The following CLDN10 variants were observed in gnomAD, a reference collection of about 807,000 sequenced individuals.
CLDN10 encodes the protein claudin-10.
Under a neutral mutation model 22.9 loss-of-function variants are expected in CLDN10, and 15 were observed. That is an observed-to-expected ratio of 0.65 (90% CI 0.44 to 1.01). The LOEUF is 1.01. Ranked by LOEUF, CLDN10 falls within the 50% of genes least tolerant of loss-of-function variation. CLDN10 has a pLI of 0.00. For missense variants in CLDN10, 247 were observed against 287.8 expected (o/e 0.86, Z 1.03); for synonymous variants, 114 against 111.4 (o/e 1.02, Z -0.15).
At chr13:95,559,317 G>T (rs1054307921) in intron 1 of CLDN10, among the ~76,000 whole-genome samples, 2 of 152,172 alleles carry the variant, frequency 1.3e-5, no homozygotes, top group African/African-American at 4.8e-5. Flanking sequence ...TACCCTGGCT[G>T]TGCAAATAAA....
chr13:95,551,713 C>T (rs1272176181), upstream of CLDN10, among the ~76,000 whole-genome samples: 1 of 152,152 alleles, frequency 6.6e-6, no homozygotes, highest in Non-Finnish European at 1.5e-5. Context: ...CTGCAAGAAC[C>T]TTTAAGTGGA....
intron 1 of CLDN10, among the ~76,000 whole-genome samples, chr13:95,483,767 A>T (rs562980146): frequency 2.5e-4 from 38 of 152,284 alleles, no homozygotes; most frequent in South Asian, 1.2e-3. Flanking sequence ...TCCACCATCC[A>T]TTGGTCACTC....
At chr13:95,498,505 C>T (rs772261616) in intron 1 of CLDN10, among the ~76,000 whole-genome samples, 15 of 152,162 alleles carry the variant, frequency 9.9e-5, no homozygotes, top group Non-Finnish European at 1.5e-4. Context: ...GGTAATCCTC[C>T]CACCTCAGCC....
chr13:95,479,237 T>C lies in CLDN10; in HGVS notation c.214+45190T>C, dbSNP rs565124966. Among the ~76,000 whole-genome samples the C allele has an allele frequency of 2.0e-5, 3 of 152,046 alleles. 1 individual carries two copies. The highest frequency in any genetic ancestry group is 7.2e-5 in the African/African-American group (3 of 41,456). ...GGTGGCGGGTGCCTGTAATCCCAAC[T>C]ACTTGGGAGGCTGAGGCAGGGAAAA... On this transcript the variant is annotated intron_variant, in intron 1 of 4. Transcript: ENST00000376873.
chr13:95,470,846 G>A (rs757947656), intron 1 of CLDN10, among the ~76,000 whole-genome samples: 4 of 152,156 alleles, frequency 2.6e-5, no homozygotes, highest in African/African-American at 4.8e-5. Context: ...AGAGAAGCAA[G>A]TGGACAATTT....
intron 3 of CLDN10, among the ~76,000 whole-genome samples, chr13:95,574,898 TC>T (rs1473240507): frequency 6.6e-6 from 1 of 152,230 alleles, no homozygotes; most frequent in Non-Finnish European, 1.5e-5. Context: ...CAATTCCTCA[TC>T]CGCCTGGGTA....
intron 3 of CLDN10, among the ~76,000 whole-genome samples, chr13:95,568,366 A>G (rs899091147): frequency 6.6e-6 from 1 of 152,168 alleles, no homozygotes; most frequent in Non-Finnish European, 1.5e-5. Context: ...TGCTTTTGTT[A>G]TGCTAGCATG....
intron 1 of CLDN10, among the ~76,000 whole-genome samples, chr13:95,442,229 C>T (rs113151893): frequency 0.012 from 1,794 of 152,212 alleles, 41 homozygotes; most frequent in African/African-American, 0.04. Context: ...TAAAGAGTGG[C>T]GATTATGTCC....
intron 1 of CLDN10, among the ~76,000 whole-genome samples, chr13:95,448,007 G>C (rs905790615): frequency 6.6e-6 from 1 of 152,148 alleles, no homozygotes; most frequent in East Asian, 1.9e-4. Context: ...GGCGAGAGGT[G>C]GGGGTGATCT....
At chr13:95,469,743 T>A (rs1324019749) in intron 1 of CLDN10, among the ~76,000 whole-genome samples, 1 of 152,190 alleles carries the variant, frequency 6.6e-6, no homozygotes, top group East Asian at 1.9e-4. Flanking sequence ...GAAAGTTCAA[T>A]CTCAAGACTG....
intron 1 of CLDN10, among the ~76,000 whole-genome samples, chr13:95,530,180 G>T (rs547154703): frequency 6.6e-6 from 1 of 152,088 alleles, no homozygotes; most frequent in Admixed American, 6.5e-5. Context: ...AAATGGGGAG[G>T]GGGAGCAGCT....
chr13:95,578,256 A>G lies in CLDN10; in HGVS notation c.*242A>G. On this transcript the variant is annotated 3_prime_UTR_variant, in exon 5 of 5. Transcript: ENST00000299339. ...TTACAGGATTTGTAAAATGTTTTCTACATTTATATAGAACATGAAAAGCAT... is the reference window on the plus strand; with the variant it reads ...TTACAGGATTTGTAAAATGTTTTCTGCATTTATATAGAACATGAAAAGCAT... The G allele has an allele frequency of 3.3e-6, 1 of 307,598 alleles. No individual in the cohort carries two copies. Among genetic ancestry groups the G allele is most frequent in the South Asian group, 6.0e-5 (1 of 16,694 alleles). The allele number at this position is 307,598 out of a possible 1,614,324, so 19.1% of individuals were successfully genotyped here.
chr13:95,441,793 A>G (rs984733860), intron 1 of CLDN10, among the ~76,000 whole-genome samples: 7 of 152,168 alleles, frequency 4.6e-5, no homozygotes, highest in Admixed American at 2.6e-4. Flanking sequence ...GATGGACCCA[A>G]CATTTACTAA....
chr13:95,516,421 T>G (rs2043168688), intron 1 of CLDN10, among the ~76,000 whole-genome samples: 1 of 152,176 alleles, frequency 6.6e-6, no homozygotes, highest in African/African-American at 2.4e-5. Flanking sequence ...TTGTATTGAC[T>G]GGAGGATTTG....
chr13:95,547,828 C>T (rs2043525127), upstream of CLDN10, among the ~76,000 whole-genome samples: 1 of 152,196 alleles, frequency 6.6e-6, no homozygotes, highest in Admixed American at 6.5e-5. Context: ...AGATTTTCTC[C>T]ATGCACTGCC....
At chr13:95,471,551 C>T (rs1343439838) in intron 1 of CLDN10, among the ~76,000 whole-genome samples, 3 of 150,174 alleles carry the variant, frequency 2.0e-5, no homozygotes, top group Non-Finnish European at 4.4e-5. Context: ...CTCCAGGGTT[C>T]AAGTGATTCT....
At chr13:95,520,641 G>A (rs572017279) in intron 1 of CLDN10, among the ~76,000 whole-genome samples, 3 of 152,266 alleles carry the variant, frequency 2.0e-5, no homozygotes, top group African/African-American at 7.2e-5. Flanking sequence ...CTAAAGTGCT[G>A]GAATTACAGG....
chr13:95,503,480 C>T (rs184209414), intron 1 of CLDN10, among the ~76,000 whole-genome samples: 30 of 152,200 alleles, frequency 2.0e-4, no homozygotes, highest in Admixed American at 1.7e-3. Flanking sequence ...CTAGAAATTC[C>T]GCTTCTGGTT....
Position 95,526,631 on chromosome 13 carries a change from T to C in CLDN10, c.215-33501T>C, listed in dbSNP as rs766223778. Among the ~76,000 whole-genome samples the C allele has an allele frequency of 1.2e-3, 178 of 152,050 alleles. 11 individuals carry two copies. Among genetic ancestry groups the C allele is most frequent in the South Asian group, 2.5e-3 (12 of 4,802 alleles). ...GGTGAAACTCCGTCTCTATTAAAAA[T>C]ACAAAAATTAGACAGGCATGATGGT... On this transcript the variant is annotated intron_variant, in intron 1 of 4. Coordinates refer to the CLDN10 transcript ENST00000376873.
Sources: allele counts gnomAD v4.1 joint callset (sites outside exome capture counted in the v4.1 genomes callset), GRCh38; gene constraint gnomAD v4.1.1; transcripts MANE v1.5; gene names NCBI Gene and HGNC (gene_info 2026-07-23, HGNC 2026-07-21).